The following COL24A1 variants were observed in gnomAD, a reference collection of about 807,000 sequenced individuals.
COL24A1 encodes the protein collagen alpha-1(XXIV) chain.
A neutral mutation model predicts 253.9 loss-of-function variants in COL24A1; 224 were observed. The observed-to-expected ratio is 0.88, with a 90% CI of 0.79 to 0.99. The LOEUF (loss-of-function observed/expected upper bound fraction) is 0.99, where lower values mean the gene tolerates loss of function less well. COL24A1 is among the 50% of genes least tolerant of loss of function. The pLI is 0.00. For synonymous variants in COL24A1, 685 were observed against 673.7 expected (o/e 1.02, Z -0.26); for missense variants, 2,131 against 2,068.5 (o/e 1.03, Z -0.59).
At chr1:85,922,104 GAGA>G (rs1686582248) in intron 24 of COL24A1, among the ~76,000 whole-genome samples, 1 of 152,086 alleles carries the variant, frequency 6.6e-6, no homozygotes, top group Non-Finnish European at 1.5e-5. Context: ...AAAGCAAGAG[GAGA>G]AGTTTAGAGA....
In COL24A1 at chr1:85,885,970, T is replaced by C. The variant is rs557112458; in HGVS notation, c.2976+3590A>G. On this transcript the variant is annotated intron_variant, in intron 32 of 59. Transcript: ENST00000370571. ...TATTTTCTTAACATCAGTGACTCCA[T>C]TTTGATTCTGACAACTTTCACATTA... is the stretch of plus-strand genomic sequence containing the variant. Among the ~76,000 whole-genome samples, 5 of 152,316 alleles carry C rather than the reference T, an allele frequency of 3.3e-5. No homozygotes were observed. In the East Asian group the frequency reaches 5.8e-4, roughly 18 times the overall value.
chr1:86,021,225 T>G (rs1697511745), intron 18 of COL24A1, among the ~76,000 whole-genome samples: 1 of 152,190 alleles, frequency 6.6e-6, no homozygotes, highest in African/African-American at 2.4e-5. Context: ...CATTAATAAA[T>G]TATAATCCTA....
chr1:86,104,956 A>T (rs1009466126), intron 5 of COL24A1, among the ~76,000 whole-genome samples: 1 of 152,176 alleles, frequency 6.6e-6, no homozygotes, highest in Non-Finnish European at 1.5e-5. Flanking sequence ...ATGACTCAGG[A>T]AGGTGGGGGT....
At chr1:85,777,669 A>G (rs1317476782) in intron 52 of COL24A1, among the ~76,000 whole-genome samples, 1 of 152,152 alleles carries the variant, frequency 6.6e-6, no homozygotes, top group African/African-American at 2.4e-5. Context: ...TTTTATACCT[A>G]TGGGATAAAT....
chr1:85,833,616 G>T (rs1570828430), intron 43 of COL24A1, among the ~76,000 whole-genome samples: 3 of 152,254 alleles, frequency 2.0e-5, no homozygotes. Context: ...CCATTACTGG[G>T]TATATACCCA....
intron 32 of COL24A1, among the ~76,000 whole-genome samples, chr1:85,885,827 T>C (rs1310332366): frequency 1.3e-5 from 2 of 152,196 alleles, no homozygotes; most frequent in Non-Finnish European, 2.9e-5. Context: ...TGGGTGCAAA[T>C]GTCCTTTGGG....
At chr1:85,834,843 A>G (rs1358817611) in intron 43 of COL24A1, among the ~76,000 whole-genome samples, 2 of 152,166 alleles carry the variant, frequency 1.3e-5, no homozygotes, top group Admixed American at 6.5e-5. Context: ...ATCTTGATCT[A>G]TGTGATGTAC....
intron 26 of COL24A1, 52 bp from the exon 27 acceptor site, chr1:85,908,703 A>T (rs747110961): frequency 7.7e-6 from 6 of 778,916 alleles, no homozygotes; most frequent in Admixed American, 7.0e-5. Context: ...ACTTTAAATT[A>T]TTTTCATTGA....
intron 35 of COL24A1, among the ~76,000 whole-genome samples, chr1:85,869,144 C>T (rs937927678): frequency 6.6e-6 from 1 of 152,040 alleles, no homozygotes; most frequent in African/African-American, 2.4e-5. Context: ...CATAGCTAGA[C>T]TTGTGTTTCT....
In COL24A1 at chr1:85,809,806, ATAT is replaced by A. The variant is rs922834730; in HGVS notation, c.3951+6979_3951+6981del. Among the ~76,000 whole-genome samples the A allele has an allele frequency of 2.3e-4, 34 of 147,940 alleles. 1 individual carries two copies. The South Asian group carries it at 2.5e-3, about 11-fold the overall frequency. On this transcript the variant is annotated intron_variant, in intron 47 of 59. Transcript: ENST00000370571. ...TATATAATATTATATATAGTATATA[ATAT>A]TATATATATATAATCATTTTAACCA...
intron 32 of COL24A1, among the ~76,000 whole-genome samples, chr1:85,885,400 T>A (rs1289048223): frequency 1.4e-4 from 21 of 147,522 alleles, no homozygotes; most frequent in African/African-American, 5.2e-4. Context: ...TATATATATT[T>A]TTTTTTTAAG....
intron 31 of COL24A1, among the ~76,000 whole-genome samples, chr1:85,894,364 T>C (rs976922001): frequency 6.6e-6 from 1 of 152,200 alleles, no homozygotes; most frequent in Non-Finnish European, 1.5e-5. Flanking sequence ...GATTCTAGTA[T>C]CTTTTATTTA....
At chr1:86,092,928 T>G (rs1281789401) in intron 5 of COL24A1, among the ~76,000 whole-genome samples, 1 of 152,014 alleles carries the variant, frequency 6.6e-6, no homozygotes, top group African/African-American at 2.4e-5. Context: ...AGCTAAAGTT[T>G]TTGGGTACAA....
At chr1:85,767,243 A>C (rs1667479697) in intron 53 of COL24A1, among the ~76,000 whole-genome samples, 1 of 152,184 alleles carries the variant, frequency 6.6e-6, no homozygotes, top group Non-Finnish European at 1.5e-5. Context: ...AATCCATTCC[A>C]AAAATGCACC....
chr1:85,823,068 T>C (rs1220134781), intron 45 of COL24A1, among the ~76,000 whole-genome samples: 1 of 152,192 alleles, frequency 6.6e-6, no homozygotes, highest in African/African-American at 2.4e-5. Context: ...CATTGCAAAA[T>C]CCCATTGCAG....
chr1:86,130,651 T>C (rs1649022170), intron 2 of COL24A1, among the ~76,000 whole-genome samples: 1 of 151,936 alleles, frequency 6.6e-6, no homozygotes, highest in Admixed American at 6.6e-5. Context: ...TTTCATAGTG[T>C]TTATCTTTTC....
chr1:85,797,116 AGAATG>A (rs1670900622), intron 47 of COL24A1, among the ~76,000 whole-genome samples: 1 of 148,428 alleles, frequency 6.7e-6, no homozygotes, highest in Non-Finnish European at 1.5e-5. Context: ...CTGACGCAGG[AGAATG>A]GCGTGAATCT....
intron 7 of COL24A1, among the ~76,000 whole-genome samples, chr1:86,081,908 C>T (rs929851458): frequency 1.3e-5 from 2 of 152,100 alleles, no homozygotes; most frequent in African/African-American, 2.4e-5. Flanking sequence ...ATTCTCAATG[C>T]CCTTATGTTA....
At chr1:86,111,614 C>G (rs1705614692) in intron 5 of COL24A1, among the ~76,000 whole-genome samples, 1 of 152,126 alleles carries the variant, frequency 6.6e-6, no homozygotes, top group South Asian at 2.1e-4. Flanking sequence ...CCCGAGCCCA[C>G]AGGGGCAACT....
Sources: gnomAD v4.1 joint callset for allele counts (sites outside exome capture counted in the v4.1 genomes callset) on GRCh38, gnomAD v4.1.1 for gene constraint, MANE v1.5 for transcripts, NCBI Gene and HGNC (gene_info 2026-07-23, HGNC 2026-07-21) for gene names.